Variants in PTPRD observed in about 807,000 individuals in gnomAD.
PTPRD encodes receptor-type tyrosine-protein phosphatase delta.
In PTPRD, 34 loss-of-function variants were observed where a neutral mutation model predicts 214.5. That is an observed-to-expected ratio of 0.16 (90% CI 0.12 to 0.21). PTPRD has a LOEUF of 0.21. Ranked by LOEUF, PTPRD falls within the 10% of genes least tolerant of loss-of-function variation. PTPRD has a pLI of 1.00. For synonymous variants in PTPRD, 1,128 were observed against 845.7 expected (o/e 1.33, Z -5.79); for missense variants, 2,545 against 2,398.7 (o/e 1.06, Z -1.27).
intron 5 of PTPRD, among the ~76,000 whole-genome samples, chr9:9,786,350 T>G (rs938915046): frequency 6.6e-6 from 1 of 152,248 alleles, no homozygotes; most frequent in African/African-American, 2.4e-5. Flanking sequence ...GTTATATTCA[T>G]GGTGGAAAAC....
chr9:8,492,152 T>A (rs2097163106), intron 27 of PTPRD, among the ~76,000 whole-genome samples: 1 of 152,210 alleles, frequency 6.6e-6, no homozygotes. Context: ...TTTTCTATCT[T>A]TTGTTCAGTT....
chr9:9,649,515 A>C (rs924073067), intron 7 of PTPRD, among the ~76,000 whole-genome samples: 6 of 152,216 alleles, frequency 3.9e-5, no homozygotes, highest in African/African-American at 1.4e-4. Flanking sequence ...ACAGAAAAAC[A>C]AAAATGATAG....
chr9:9,884,629 C>G (rs2070117311), intron 5 of PTPRD, among the ~76,000 whole-genome samples: 1 of 152,112 alleles, frequency 6.6e-6, no homozygotes, highest in African/African-American at 2.4e-5. Flanking sequence ...GTGTCCCCAA[C>G]CAAATCTCAT....
At chr9:8,716,545 C>T (rs1488722040) in intron 12 of PTPRD, among the ~76,000 whole-genome samples, 1 of 150,988 alleles carries the variant, frequency 6.6e-6, no homozygotes, top group East Asian at 1.9e-4. Context: ...TTCTAGAGGC[C>T]CTACACAGAG....
intron 2 of PTPRD, among the ~76,000 whole-genome samples, chr9:10,599,320 C>A (rs776003339): frequency 5.3e-5 from 8 of 151,676 alleles, no homozygotes; most frequent in Non-Finnish European, 1.0e-4. Context: ...ATTATAATGA[C>A]CAATAATTCC....
chr9:9,571,404 G>A (rs2086362648), intron 8 of PTPRD, among the ~76,000 whole-genome samples: 1 of 151,144 alleles, frequency 6.6e-6, no homozygotes, highest in South Asian at 2.1e-4. Context: ...TAATACTTAA[G>A]GCTGTATTTA....
chr9:9,643,954 C>G (rs922874384), intron 7 of PTPRD, among the ~76,000 whole-genome samples: 15 of 152,080 alleles, frequency 9.9e-5, no homozygotes, highest in African/African-American at 3.1e-4. Flanking sequence ...ACAACTATTA[C>G]CATTGTACAA....
chr9:8,889,671 A>T (rs779820604), intron 11 of PTPRD, among the ~76,000 whole-genome samples: 1 of 146,530 alleles, frequency 6.8e-6, no homozygotes, highest in African/African-American at 2.5e-5. Context: ...GCCTTTGCAT[A>T]CTCATAGCTT....
chr9:8,969,980 A>G (rs913474702), intron 11 of PTPRD, among the ~76,000 whole-genome samples: 1 of 151,954 alleles, frequency 6.6e-6, no homozygotes, highest in African/African-American at 2.4e-5. Flanking sequence ...GGTGTAAAAG[A>G]AGATTAGTAT....
chr9:9,044,255 T>G (rs556383789), intron 10 of PTPRD, among the ~76,000 whole-genome samples: 1 of 152,226 alleles, frequency 6.6e-6, no homozygotes, highest in Non-Finnish European at 1.5e-5. Flanking sequence ...ACACTCAACA[T>G]GTCACCAAAG....
intron 31 of PTPRD, among the ~76,000 whole-genome samples, chr9:8,468,568 C>G (rs1490107181): frequency 6.6e-6 from 1 of 151,770 alleles, no homozygotes; most frequent in Non-Finnish European, 1.5e-5. Context: ...GAGAGTAATG[C>G]TGTTTGGAAA....
intron 3 of PTPRD, among the ~76,000 whole-genome samples, chr9:10,060,102 T>A (rs1259186060): frequency 3.3e-5 from 5 of 152,224 alleles, no homozygotes; most frequent in African/African-American, 1.2e-4. Flanking sequence ...GAGGTACGAC[T>A]GCATAATGTG....
intron 10 of PTPRD, among the ~76,000 whole-genome samples, chr9:9,041,080 T>C (rs1458425611): frequency 6.6e-6 from 1 of 152,192 alleles, no homozygotes; most frequent in Non-Finnish European, 1.5e-5. Context: ...GTAAATGCTA[T>C]GACTGTTTCA....
Position 10,161,112 on chromosome 9 carries a change from A to G in PTPRD, c.-544-127322T>C, listed in dbSNP as rs138135065. On this transcript the variant is annotated intron_variant, in intron 3 of 45. Transcript: ENST00000381196. ...AGATATTTCATGTTCATGAACTTGA[A>G]GAATATTGTTAAAATGACAATACTA... Among the ~76,000 whole-genome samples, 41 of 152,048 alleles carry G rather than the reference A, an allele frequency of 2.7e-4. No homozygotes were observed. In the East Asian group the frequency reaches 7.5e-3, roughly 28 times the overall value.
At chr9:8,352,811 T>G (rs1447781620) in intron 39 of PTPRD, among the ~76,000 whole-genome samples, 1 of 152,190 alleles carries the variant, frequency 6.6e-6, no homozygotes, top group Admixed American at 6.5e-5. Flanking sequence ...TGGTTTTTCT[T>G]TTTAAAAAAT....
At chr9:8,944,917 T>C (rs2099054631) in intron 11 of PTPRD, among the ~76,000 whole-genome samples, 1 of 152,058 alleles carries the variant, frequency 6.6e-6, no homozygotes, top group Non-Finnish European at 1.5e-5. Flanking sequence ...GGAATGTTCG[T>C]AACACAAAGA....
chr9:9,268,969 C>T (rs1941528669), intron 9 of PTPRD, among the ~76,000 whole-genome samples: 1 of 149,590 alleles, frequency 6.7e-6, no homozygotes, highest in Admixed American at 6.7e-5. Context: ...TGGAAATGAC[C>T]CGAAAAGCAC....
At chr9:9,649,392 C>T (rs1564305031) in intron 7 of PTPRD, among the ~76,000 whole-genome samples, 1 of 152,078 alleles carries the variant, frequency 6.6e-6, no homozygotes, top group East Asian at 1.9e-4. Context: ...ATTTGAATGG[C>T]AGCAGTGATT....
intron 3 of PTPRD, among the ~76,000 whole-genome samples, chr9:10,050,379 G>T (rs1355772169): frequency 6.6e-6 from 1 of 151,468 alleles, no homozygotes; most frequent in Non-Finnish European, 1.5e-5. Context: ...CCAATATGGT[G>T]AAACATCATC....
Sources: gnomAD v4.1 joint callset for allele counts (sites outside exome capture counted in the v4.1 genomes callset) on GRCh38, gnomAD v4.1.1 for gene constraint, MANE v1.5 for transcripts, NCBI Gene and HGNC (gene_info 2026-07-23, HGNC 2026-07-21) for gene names.